LMBR1: variants seen among roughly 807,000 people sequenced by gnomAD.
The protein encoded by LMBR1 is limb development membrane protein 1, also known as limb region 1 protein homolog.
LMBR1 carries 52 observed loss-of-function variants against 73.9 expected under a neutral mutation model. That is an observed-to-expected ratio of 0.70 (90% CI 0.56 to 0.89). The LOEUF is 0.89. LMBR1 is among the 40% of genes least tolerant of loss of function. The pLI is 0.00. For synonymous variants in LMBR1, 215 were observed against 209.4 expected (o/e 1.03, Z -0.23); for missense variants, 539 against 579.8 (o/e 0.93, Z 0.72).
At chr7:156,859,243 C>T (rs992593923) in intron 1 of LMBR1, among the ~76,000 whole-genome samples, 25 of 53,742 alleles carry the variant, frequency 4.7e-4, no homozygotes, top group African/African-American at 1.5e-3. Flanking sequence ...AGTGAAACTC[C>T]GTCTCAAAAA....
intron 1 of LMBR1, among the ~76,000 whole-genome samples, chr7:156,855,471 T>C (rs758650721): frequency 2.0e-5 from 3 of 151,950 alleles, no homozygotes; most frequent in Non-Finnish European, 4.4e-5. Context: ...AAAATAACAA[T>C]TCTGAAAAGA....
At chr7:156,879,497 T>C (rs1800723856) in intron 1 of LMBR1, among the ~76,000 whole-genome samples, 1 of 152,006 alleles carries the variant, frequency 6.6e-6, no homozygotes, top group African/African-American at 2.4e-5. Flanking sequence ...ACCCCGTCTC[T>C]ACTAAAAACA....
intron 1 of LMBR1, among the ~76,000 whole-genome samples, chr7:156,873,015 G>A (rs1799546800): frequency 6.6e-6 from 1 of 152,028 alleles, no homozygotes; most frequent in South Asian, 2.1e-4. Context: ...AGCTCTTAAG[G>A]TGGCGCGTTG....
At chr7:156,671,321 G>A (rs745458629) in intron 4 of LMBR1, among the ~76,000 whole-genome samples, 73 of 152,204 alleles carry the variant, frequency 4.8e-4, no homozygotes, top group Non-Finnish European at 9.7e-4. Context: ...GCCTGAAAAC[G>A]CGAACAGTGT....
At chr7:156,690,514 T>G (rs893176462) in intron 15 of LMBR1, among the ~76,000 whole-genome samples, 5 of 152,218 alleles carry the variant, frequency 3.3e-5, no homozygotes, top group African/African-American at 1.2e-4. Flanking sequence ...ATGGAAGGTA[T>G]GTTTTGCAAA....
chr7:156,669,083 T>G lies in LMBR1; in HGVS notation n.1071A>C, dbSNP rs1801858605. On this transcript the variant is annotated non_coding_transcript_exon_variant, in exon 5 of 5. Coordinates refer to the LMBR1 transcript ENST00000430825. The surrounding 1 kb of genome is among the most constrained non-coding windows in gnomAD (Gnocchi z 4.2). ...AAATTAGACTCAACTGCATGAAAAG[T>G]CTATGCGAACTGCTTTCATGGACTG... 6.6e-6 allele frequency: 1 copy of G among 152,182 alleles called. No homozygotes were observed. Among genetic ancestry groups the G allele is most frequent in the Non-Finnish European group, 1.5e-5 (1 of 68,038 alleles). The allele number at this position is 152,182 out of a possible 1,614,324, so 9.4% of individuals were successfully genotyped here.
At chr7:156,675,652 A>G, downstream of LMBR1, 1 of 1,574,408 alleles carries the variant, frequency 6.4e-7, no homozygotes, top group Non-Finnish European at 8.7e-7. Flanking sequence ...TGCAACCTCC[A>G]CCGAGCTCAG....
intron 7 of LMBR1, among the ~76,000 whole-genome samples, 186 bp from the exon 8 acceptor site, chr7:156,762,384 G>A (rs1328417134): frequency 6.6e-6 from 1 of 152,206 alleles, no homozygotes. Context: ...AGAAGCTAGA[G>A]GGGCCATGTG....
rs1184391589 is a variant in LMBR1, at chr7:156,893,137, A to G, written c.-144T>C. 1.4e-6 allele frequency: 1 copy of G among 713,212 alleles called. No individual in the cohort carries two copies. The highest frequency in any genetic ancestry group is 2.0e-6 in the Non-Finnish European group (1 of 510,584). 44.2% of individuals were successfully genotyped at this position (713,212 alleles called of 1,614,324 possible). A position where few individuals can be genotyped will look rare whatever the true frequency, so the allele number is the denominator to read the frequency against. Reference sequence around the variant, plus strand: ...CCGTGTTGGAACAGGTACCGCGACCACGACACCGGCCGTCGCCTCAGCAGC... The same window carrying G: ...CCGTGTTGGAACAGGTACCGCGACCGCGACACCGGCCGTCGCCTCAGCAGC... On this transcript the variant is annotated 5_prime_UTR_variant, in exon 1 of 17. Coordinates refer to ENST00000353442, the MANE Select transcript of LMBR1 (RefSeq NM_022458.4).
intron 4 of LMBR1, among the ~76,000 whole-genome samples, 157 bp from the exon 5 acceptor site, chr7:156,796,649 A>G (rs746252982): frequency 7.9e-5 from 12 of 152,198 alleles, no homozygotes; most frequent in African/African-American, 1.2e-4. Flanking sequence ...TATTTATTTA[A>G]ATTTTTTTAA....
At chr7:156,716,988 G>A (rs749954581) in intron 15 of LMBR1, among the ~76,000 whole-genome samples, 3 of 151,968 alleles carry the variant, frequency 2.0e-5, no homozygotes, top group Non-Finnish European at 2.9e-5. Context: ...AAATTAAAAA[G>A]TTTAGCTGGG....
intron 1 of LMBR1, among the ~76,000 whole-genome samples, chr7:156,880,688 T>C (rs1197236947): frequency 1.3e-5 from 2 of 152,140 alleles, no homozygotes; most frequent in Non-Finnish European, 2.9e-5. Flanking sequence ...AGTCTCACTC[T>C]GCCACCAAGG....
At chr7:156,739,715 A>C (rs1009599271) in intron 9 of LMBR1, among the ~76,000 whole-genome samples, 1 of 152,238 alleles carries the variant, frequency 6.6e-6, no homozygotes, top group African/African-American at 2.4e-5. Context: ...CAAGAACCAC[A>C]GCATTATTGG....
intron 3 of LMBR1, among the ~76,000 whole-genome samples, chr7:156,832,986 G>T (rs1836955622): frequency 6.6e-6 from 1 of 152,288 alleles, no homozygotes; most frequent in East Asian, 1.9e-4. Flanking sequence ...AGTGTGAGTG[G>T]TACCGCTGTC....
At chr7:156,838,321 T>A (rs1005425789) in intron 1 of LMBR1, among the ~76,000 whole-genome samples, 2 of 152,174 alleles carry the variant, frequency 1.3e-5, no homozygotes, top group Admixed American at 6.5e-5. Context: ...TTTGAACTTA[T>A]TCCTCCTACC....
chr7:156,707,709 A>T (rs892785051), intron 15 of LMBR1, among the ~76,000 whole-genome samples: 1 of 152,200 alleles, frequency 6.6e-6, no homozygotes, highest in Non-Finnish European at 1.5e-5. Flanking sequence ...GCATGCAAAG[A>T]GCATACTTCA....
At chr7:156,805,045 C>T (rs149282352) in intron 4 of LMBR1, among the ~76,000 whole-genome samples, 40 of 151,954 alleles carry the variant, frequency 2.6e-4, no homozygotes, top group African/African-American at 9.4e-4. Flanking sequence ...TCATTTTTTG[C>T]CTATAATTAA....
intron 1 of LMBR1, among the ~76,000 whole-genome samples, chr7:156,851,206 T>G (rs1253150401): frequency 6.6e-6 from 1 of 152,162 alleles, no homozygotes; most frequent in Non-Finnish European, 1.5e-5. Flanking sequence ...CAAAATGAAC[T>G]AACACACCCT....
chr7:156,814,479 T>G (rs1257233979), intron 4 of LMBR1, among the ~76,000 whole-genome samples: 1 of 152,212 alleles, frequency 6.6e-6, no homozygotes, highest in East Asian at 1.9e-4. Context: ...AAGCAAGGCT[T>G]CTTAAAACAC....
Sources: gnomAD v4.1 joint callset for allele counts (sites outside exome capture counted in the v4.1 genomes callset) on GRCh38, gnomAD v4.1.1 for gene constraint, Gnocchi (gnomAD v3.1) non-coding constraint, MANE v1.5 for transcripts, NCBI Gene and HGNC (gene_info 2026-07-23, HGNC 2026-07-21) for gene names.